Variants in ATF6 observed in about 807,000 individuals in gnomAD.
ATF6 encodes cyclic AMP-dependent transcription factor ATF-6 alpha.
In ATF6, 53 loss-of-function variants were observed where a neutral mutation model predicts 83.6. The observed-to-expected ratio is 0.63, with a 90% CI of 0.51 to 0.80. The LOEUF (loss-of-function observed/expected upper bound fraction) is 0.80, where lower values mean the gene tolerates loss of function less well. ATF6 is among the 30% of genes least tolerant of loss of function. ATF6 has a pLI of 0.00. For missense variants in ATF6, 744 were observed against 797.9 expected (o/e 0.93, Z 0.81); for synonymous variants, 288 against 285.8 (o/e 1.01, Z -0.08).
chr1:161,883,166 A>G (rs1687354178), intron 14 of ATF6, among the ~76,000 whole-genome samples: 2 of 151,994 alleles, frequency 1.3e-5, no homozygotes, highest in Non-Finnish European at 2.9e-5. Flanking sequence ...TCCATTATCT[A>G]ACTGGGTTTA....
intron 7 of ATF6, among the ~76,000 whole-genome samples, chr1:161,802,671 T>A (rs1384060601): frequency 6.6e-6 from 1 of 152,192 alleles, no homozygotes; most frequent in Non-Finnish European, 1.5e-5. Flanking sequence ...TATAGATTAC[T>A]TTTTAGGTAG....
At chr1:161,843,499 G>A (rs528782146) in intron 9 of ATF6, among the ~76,000 whole-genome samples, 2 of 152,210 alleles carry the variant, frequency 1.3e-5, no homozygotes, top group African/African-American at 4.8e-5. Flanking sequence ...TGCAGTGATG[G>A]AATTCCAATC....
At chr1:161,906,308 T>G (rs1687877299) in intron 14 of ATF6, among the ~76,000 whole-genome samples, 1 of 152,208 alleles carries the variant, frequency 6.6e-6, no homozygotes, top group African/African-American at 2.4e-5. Flanking sequence ...AAGAATGATT[T>G]TGGATGCTAC....
intron 7 of ATF6, among the ~76,000 whole-genome samples, chr1:161,819,084 T>G (rs888315230): frequency 6.6e-6 from 1 of 152,146 alleles, no homozygotes; most frequent in African/African-American, 2.4e-5. Flanking sequence ...TTTTAACATA[T>G]TCAATGAGTG....
intron 15 of ATF6, among the ~76,000 whole-genome samples, chr1:161,952,858 T>C (rs895921485): frequency 6.6e-6 from 1 of 152,090 alleles, no homozygotes; most frequent in Non-Finnish European, 1.5e-5. Context: ...TGATAGACAA[T>C]TCTTGATTGA....
intron 9 of ATF6, among the ~76,000 whole-genome samples, 185 bp from the exon 10 acceptor site, chr1:161,846,264 T>A (rs551470957): frequency 6.6e-6 from 1 of 152,354 alleles, no homozygotes; most frequent in Admixed American, 6.5e-5. Context: ...TTTTGATATG[T>A]GCAGGTTACC....
chr1:161,832,808 C>T (rs996023568), intron 9 of ATF6, among the ~76,000 whole-genome samples: 1 of 152,236 alleles, frequency 6.6e-6, no homozygotes, highest in African/African-American at 2.4e-5. Flanking sequence ...CTTCCTGCCT[C>T]TGTAGGCTCC....
intron 4 of ATF6, among the ~76,000 whole-genome samples, chr1:161,789,786 A>C (rs1301647140): frequency 6.6e-6 from 1 of 152,188 alleles, no homozygotes; most frequent in Admixed American, 6.5e-5. Flanking sequence ...AATATTATCA[A>C]ATACCTTTTA....
chr1:161,867,315 T>C (rs1224993268), intron 14 of ATF6, among the ~76,000 whole-genome samples: 1 of 151,902 alleles, frequency 6.6e-6, no homozygotes, highest in Non-Finnish European at 1.5e-5. Context: ...TGCTTTTGTA[T>C]GATAGTCTAT....
intron 14 of ATF6, among the ~76,000 whole-genome samples, chr1:161,895,495 C>T (rs1302005042): frequency 1.3e-5 from 2 of 152,134 alleles, no homozygotes; most frequent in South Asian, 2.1e-4. Context: ...GATAGATATC[C>T]CCTGATTCAG....
chr1:161,847,695 G>T (rs933465288), intron 10 of ATF6, among the ~76,000 whole-genome samples: 8 of 151,992 alleles, frequency 5.3e-5, no homozygotes, highest in Non-Finnish European at 7.4e-5. Context: ...ATTTGTGCAG[G>T]TTTGCCCTAC....
chr1:161,783,335 A>T (rs971320530), intron 3 of ATF6, among the ~76,000 whole-genome samples: 1 of 152,180 alleles, frequency 6.6e-6, no homozygotes, highest in Non-Finnish European at 1.5e-5. Flanking sequence ...AGGGAAGATC[A>T]TGAAGGATGG....
chr1:161,851,689 C>G (rs763995665), intron 10 of ATF6, 33 bp from the exon 11 acceptor site: 1 of 1,508,514 alleles, frequency 6.6e-7, no homozygotes, highest in Admixed American at 1.7e-5. Context: ...ATTTAAGATA[C>G]AAGGAAACAA....
At chr1:161,813,595 T>C (rs1685528259) in intron 7 of ATF6, among the ~76,000 whole-genome samples, 1 of 152,222 alleles carries the variant, frequency 6.6e-6, no homozygotes, top group Non-Finnish European at 1.5e-5. Context: ...CCTGTGCTTT[T>C]CTGTCAAATT....
intron 7 of ATF6, among the ~76,000 whole-genome samples, chr1:161,809,093 G>A (rs145143330): frequency 0.023 from 3,494 of 152,064 alleles, 59 homozygotes; most frequent in African/African-American, 0.047. Context: ...TGTGCACAAC[G>A]TGCAGGTTTG....
At chr1:161,945,790 T>C (rs967902752) in intron 15 of ATF6, among the ~76,000 whole-genome samples, 1 of 152,220 alleles carries the variant, frequency 6.6e-6, no homozygotes, top group Non-Finnish European at 1.5e-5. Context: ...CTATGTTATA[T>C]AAGCATTTCA....
intron 8 of ATF6, 130 bp downstream of exon 8, chr1:161,819,948 T>A: frequency 1.2e-6 from 1 of 838,346 alleles, no homozygotes; most frequent in East Asian, 3.1e-5. Flanking sequence ...GTATAATAAG[T>A]CCTAAAACAT....
intron 4 of ATF6, among the ~76,000 whole-genome samples, chr1:161,789,252 CTTTTTTTTT>C (rs71755584): frequency 9.9e-6 from 1 of 101,380 alleles, no homozygotes; most frequent in African/African-American, 5.0e-5. Flanking sequence ...ATTCCTTCTC[CTTTTTTTTT>C]TTTTTTTTTT....
intron 14 of ATF6, among the ~76,000 whole-genome samples, chr1:161,906,092 GA>G (rs1687873939): frequency 6.6e-6 from 1 of 152,056 alleles, no homozygotes; most frequent in Non-Finnish European, 1.5e-5. Context: ...CTCGGCCTCC[GA>G]AAGTGCTGGG....
Sources: gnomAD v4.1 joint callset for allele counts (sites outside exome capture counted in the v4.1 genomes callset) on GRCh38, gnomAD v4.1.1 for gene constraint, MANE v1.5 for transcripts, NCBI Gene and HGNC (gene_info 2026-07-23, HGNC 2026-07-21) for gene names.